Variants in CEP63 observed in about 807,000 individuals in gnomAD.
CEP63 encodes centrosomal protein 63, also known as centrosomal protein of 63 kDa.
In CEP63, 84 loss-of-function variants were observed where a neutral mutation model predicts 89.1. That is an observed-to-expected ratio of 0.94 (90% CI 0.79 to 1.13). The LOEUF (loss-of-function observed/expected upper bound fraction) is 1.13. Ranked by LOEUF, CEP63 falls within the 50% of genes most tolerant of loss-of-function variation. The pLI is 0.00. For synonymous variants in CEP63, 267 were observed against 272.5 expected, an observed-to-expected ratio of 0.98 and a Z score of 0.20; for missense variants, 838 against 813.3, an observed-to-expected ratio of 1.03 and a Z score of -0.37.
intron 1 of CEP63, among the ~76,000 whole-genome samples, chr3:134,493,128 C>T (rs1938329266): frequency 6.6e-6 from 1 of 152,106 alleles, no homozygotes; most frequent in Non-Finnish European, 1.5e-5. Context: ...ACTGTGATAG[C>T]ACTGTCAATA....
the CEP63 span, among the ~76,000 whole-genome samples, chr3:134,623,201 C>CCTG: frequency 2.6e-5 from 4 of 152,206 alleles, no homozygotes; most frequent in African/African-American, 9.6e-5. Context: ...CTGGCCACTC[C>CCTG]CTGCTCTGTG....
the CEP63 span, among the ~76,000 whole-genome samples, chr3:134,644,640 G>A: frequency 1.3e-5 from 2 of 152,224 alleles, no homozygotes; most frequent in Non-Finnish European, 1.5e-5. Flanking sequence ...CTGGAAACAA[G>A]TATGCCTCTG....
In CEP63 at chr3:134,556,459, GGGAA is replaced by G. The variant is rs564022221; in HGVS notation, c.1468-1668_1468-1665del. On this transcript the variant is annotated intron_variant, in intron 12 of 14. Transcript: ENST00000675561. Reference sequence around the variant, plus strand: ...TTTGTAAGGGGGAAAGTGGGAAGGAGGGAAGGAAGGAAGGAAGGGAGGGAGGGAA... The same window carrying G: ...TTTGTAAGGGGGAAAGTGGGAAGGAGGGAAGGAAGGAAGGGAGGGAGGGAA... 2.1e-3 allele frequency among the ~76,000 whole-genome samples: 326 copies of G among 151,892 alleles called. 2 individuals carry two copies. The highest frequency in any genetic ancestry group is 2.9e-3 in the Non-Finnish European group (200 of 67,922).
chr3:134,731,551 T>TCC, the CEP63 span, among the ~76,000 whole-genome samples: 6 of 152,176 alleles, frequency 3.9e-5, no homozygotes, highest in Admixed American at 6.5e-5. Context: ...TTAAAATACT[T>TCC]AGAGTAAGGG....
chr3:134,580,278 A>G (rs1958314934), intron 10 of CEP63, among the ~76,000 whole-genome samples: 1 of 152,182 alleles, frequency 6.6e-6, no homozygotes, highest in Non-Finnish European at 1.5e-5. Flanking sequence ...AGGAAGGCAA[A>G]TCTATAAAGT....
In CEP63 at chr3:134,583,023, GTTGT is replaced by G. The variant is rs1222837420; in HGVS notation, c.1207-4428_1207-4425del. On this transcript the variant is annotated intron_variant, in intron 10 of 10. Transcript: ENST00000683931. Reference sequence around the variant, plus strand: ...TATCCTTTGCCCACTTTTTGATGGGGTTGTTTGTTTTTTTCTTGTAAATTTGTGT... The same window carrying G: ...TATCCTTTGCCCACTTTTTGATGGGGTTGTTTTTTTCTTGTAAATTTGTGT... Among the ~76,000 whole-genome samples, 9 of 152,126 alleles carry G rather than the reference GTTGT, an allele frequency of 5.9e-5. No individual in the cohort carries two copies. In the East Asian group the frequency reaches 7.7e-4, roughly 13 times the overall value.
At chr3:134,592,305 G>A (rs1463146834), downstream of CEP63, among the ~76,000 whole-genome samples, 3 of 152,232 alleles carry the variant, frequency 2.0e-5, no homozygotes, top group Non-Finnish European at 2.9e-5. Context: ...CTAGTTTTGA[G>A]TGTCACACAC....
chr3:134,531,303 G>T (rs953301893), intron 3 of CEP63, among the ~76,000 whole-genome samples: 2 of 151,940 alleles, frequency 1.3e-5, no homozygotes, highest in South Asian at 4.2e-4. Flanking sequence ...ACACAGTTTC[G>T]GCCGGGCGCG....
chr3:134,523,796 G>A (rs76688930), intron 3 of CEP63, among the ~76,000 whole-genome samples: 1 of 152,132 alleles, frequency 6.6e-6, no homozygotes, highest in Non-Finnish European at 1.5e-5. Context: ...CTGTAGCCCT[G>A]TAGTATAGTT....
chr3:134,584,956 GTTTT>G (rs780691730), intron 10 of CEP63, among the ~76,000 whole-genome samples: 1 of 36,062 alleles, frequency 2.8e-5, no homozygotes, highest in East Asian at 1.4e-3. Flanking sequence ...ATTTTCTAGG[GTTTT>G]TTTTTTTTTT....
the CEP63 span, among the ~76,000 whole-genome samples, chr3:134,761,847 C>A: frequency 6.6e-6 from 1 of 152,168 alleles, no homozygotes; most frequent in Non-Finnish European, 1.5e-5. Context: ...TTGTCTGAAG[C>A]CTCCAGCCAC....
downstream of CEP63, among the ~76,000 whole-genome samples, chr3:134,568,955 A>G (rs143507260): frequency 7.3e-4 from 111 of 152,354 alleles, 1 homozygote; most frequent in African/African-American, 2.5e-3. Flanking sequence ...GGCGGAAGGC[A>G]AGGAGGAGCA....
the CEP63 span, among the ~76,000 whole-genome samples, chr3:134,685,411 G>C: frequency 6.6e-6 from 1 of 152,056 alleles, no homozygotes; most frequent in Non-Finnish European, 1.5e-5. Flanking sequence ...CTCACCCCTT[G>C]TATGGGATTC....
At chr3:134,603,819 C>G in the CEP63 span, 5 of 1,613,926 alleles carry the variant, frequency 3.1e-6, no homozygotes, top group East Asian at 1.1e-4. Flanking sequence ...ACAGAGGTTC[C>G]AGCAGCTCAT....
At chr3:134,546,327 A>G (rs774992680) in intron 8 of CEP63, 39 bp downstream of exon 8, 3 of 1,560,222 alleles carry the variant, frequency 1.9e-6, no homozygotes, top group Non-Finnish European at 2.6e-6. Context: ...TTAGCCACTT[A>G]ATGACTAGGT....
chr3:134,749,319 C>G, the CEP63 span, among the ~76,000 whole-genome samples: 1 of 152,252 alleles, frequency 6.6e-6, no homozygotes, highest in Middle Eastern at 3.4e-3. Flanking sequence ...AGGAGCCACA[C>G]TCTGAGTATC....
the CEP63 span, among the ~76,000 whole-genome samples, chr3:134,661,440 C>T: frequency 6.6e-6 from 1 of 152,196 alleles, no homozygotes; most frequent in Non-Finnish European, 1.5e-5. Flanking sequence ...CTGTAATCAA[C>T]ACTATGTTCT....
the CEP63 span, among the ~76,000 whole-genome samples, chr3:134,708,848 G>A: frequency 4.6e-5 from 7 of 152,138 alleles, no homozygotes; most frequent in Admixed American, 4.6e-4. Context: ...GTGTTGTGGG[G>A]GCAGCCAATC....
chr3:134,727,005 C>G, the CEP63 span, among the ~76,000 whole-genome samples: 1 of 152,214 alleles, frequency 6.6e-6, no homozygotes, highest in Non-Finnish European at 1.5e-5. Flanking sequence ...TCCCTGTCCC[C>G]TGTCCCATTT....
Sources: gnomAD v4.1 joint callset for allele counts (sites outside exome capture counted in the v4.1 genomes callset) on GRCh38, gnomAD v4.1.1 for gene constraint, MANE v1.5 for transcripts, NCBI Gene and HGNC (gene_info 2026-07-23, HGNC 2026-07-21) for gene names.